Variants in ASIC2 observed in about 807,000 individuals in gnomAD.
ASIC2 encodes the protein acid-sensing ion channel 2.
Under a neutral mutation model 57.3 loss-of-function variants are expected in ASIC2, and 25 were observed. That is an observed-to-expected ratio of 0.44 (90% CI 0.32 to 0.61). The LOEUF is 0.61. ASIC2 is among the 20% of genes least tolerant of loss of function. The pLI, the probability that ASIC2 is intolerant of heterozygous loss-of-function variation, is 0.06. For synonymous variants in ASIC2, 319 were observed against 307.5 expected, an observed-to-expected ratio of 1.04 and a Z score of -0.39; for missense variants, 641 against 738.1, an observed-to-expected ratio of 0.87 and a Z score of 1.52.
intron 1 of ASIC2, among the ~76,000 whole-genome samples, chr17:34,030,046 C>A (rs1907531706): frequency 6.6e-6 from 1 of 152,218 alleles, no homozygotes. Flanking sequence ...ACACAATTGG[C>A]TCTTCCCTTC....
intron 1 of ASIC2, among the ~76,000 whole-genome samples, chr17:33,173,651 G>A (rs190119974): frequency 6.6e-6 from 1 of 152,268 alleles, no homozygotes; most frequent in Non-Finnish European, 1.5e-5. Flanking sequence ...TAGAAGCACC[G>A]GCTTTGACCA....
chr17:34,088,354 C>A (rs147260424), intron 1 of ASIC2, among the ~76,000 whole-genome samples: 2,713 of 152,254 alleles, frequency 0.018, 78 homozygotes, highest in East Asian at 0.059. Context: ...TGCAGAACAG[C>A]GGTTTTTCGT....
At chr17:33,930,901 A>ATTTG (rs141993092) in intron 1 of ASIC2, among the ~76,000 whole-genome samples, 104 of 151,960 alleles carry the variant, frequency 6.8e-4, no homozygotes, top group African/African-American at 2.1e-3. Context: ...AGATTTATTT[A>ATTTG]TTTGTTTGTT....
At chr17:33,845,125 T>A (rs896437678) in intron 1 of ASIC2, among the ~76,000 whole-genome samples, 2 of 152,242 alleles carry the variant, frequency 1.3e-5, no homozygotes, top group African/African-American at 4.8e-5. Context: ...TAGAAAAAAA[T>A]TCCGGAGTTA....
chr17:33,228,822 C>T (rs1022971586), intron 1 of ASIC2, among the ~76,000 whole-genome samples: 1 of 152,218 alleles, frequency 6.6e-6, no homozygotes, highest in Non-Finnish European at 1.5e-5. Context: ...CACCCAGGCT[C>T]GTGCCTCCAT....
chr17:33,108,819 G>A (rs2092245534), intron 2 of ASIC2, among the ~76,000 whole-genome samples: 1 of 152,144 alleles, frequency 6.6e-6, no homozygotes, highest in South Asian at 2.1e-4. Context: ...GGGACAAGGA[G>A]TTCTGCCTGA....
chr17:33,578,284 A>G lies in ASIC2; in HGVS notation c.556-466217T>C, dbSNP rs114914519. ...GGTCATTAAAAGCAAATGACAGCAC[A>G]GTGAAACACTGTGGTTTAGAAGTTT... On this transcript the variant is annotated intron_variant, in intron 1 of 9. Coordinates refer to the ASIC2 transcript ENST00000359872. Among the ~76,000 whole-genome samples the G allele has an allele frequency of 6.6e-3, 1,003 of 152,314 alleles. 9 individuals carry two copies. Among genetic ancestry groups the G allele is most frequent in the African/African-American group, 0.023 (966 of 41,566 alleles).
chr17:33,618,863 C>T (rs1905688775), intron 1 of ASIC2, among the ~76,000 whole-genome samples: 1 of 152,210 alleles, frequency 6.6e-6, no homozygotes, highest in African/African-American at 2.4e-5. Context: ...CAGGCTCTCT[C>T]ATGAGCCTGG....
intron 1 of ASIC2, among the ~76,000 whole-genome samples, chr17:33,741,150 A>G (rs972139682): frequency 1.3e-5 from 2 of 152,136 alleles, no homozygotes. Flanking sequence ...GTGACTGCCC[A>G]GGGTCTTCAG....
chr17:33,996,726 A>C (rs1906173263), intron 1 of ASIC2, among the ~76,000 whole-genome samples: 1 of 152,174 alleles, frequency 6.6e-6, no homozygotes, highest in African/African-American at 2.4e-5. Context: ...TGTTTGTTTT[A>C]ATTTCAATAC....
At chr17:33,691,839 C>T (rs1335653950) in intron 1 of ASIC2, among the ~76,000 whole-genome samples, 1 of 151,860 alleles carries the variant, frequency 6.6e-6, no homozygotes, top group Non-Finnish European at 1.5e-5. Context: ...GTGTGTGTGT[C>T]TGTGTATACA....
At chr17:33,467,077 A>G (rs1597738966) in intron 1 of ASIC2, among the ~76,000 whole-genome samples, 1 of 152,112 alleles carries the variant, frequency 6.6e-6, no homozygotes, top group East Asian at 1.9e-4. Context: ...ATGGGAGAAA[A>G]TTTTTGCAAT....
At chr17:33,218,875 G>C (rs1307515198) in intron 1 of ASIC2, among the ~76,000 whole-genome samples, 1 of 152,038 alleles carries the variant, frequency 6.6e-6, no homozygotes, top group East Asian at 1.9e-4. Context: ...AGGGCGGGGG[G>C]GCTACTGTAT....
rs140359774 is a variant in ASIC2 at position 33,058,621 on chromosome 17, G to GCT, written c.988-30231_988-30230dup. Among the ~76,000 whole-genome samples the GCT allele has an allele frequency of 7.9e-3, 1,195 of 152,122 alleles. 18 individuals carry two copies. Among genetic ancestry groups the GCT allele is most frequent in the African/African-American group, 0.027 (1,124 of 41,500 alleles). On this transcript the variant is annotated intron_variant, in intron 3 of 9. Coordinates refer to ENST00000225823, the MANE Select transcript of ASIC2 (RefSeq NM_183377.2). Reference sequence around the variant, plus strand: ...TGGTTTTTCTTGTCTATGACTGTCAGCTGTCCAGTAACCATCTATCTTCCT... The same window carrying GCT: ...TGGTTTTTCTTGTCTATGACTGTCAGCTCTGTCCAGTAACCATCTATCTTCCT...
intron 3 of ASIC2, among the ~76,000 whole-genome samples, chr17:33,034,220 T>A (rs2091899021): frequency 6.6e-6 from 1 of 152,190 alleles, no homozygotes; most frequent in Non-Finnish European, 1.5e-5. Flanking sequence ...CTTGTCTGCA[T>A]CCTTCATTCT....
At chr17:33,241,795 C>T (rs1908515683) in intron 1 of ASIC2, among the ~76,000 whole-genome samples, 1 of 152,186 alleles carries the variant, frequency 6.6e-6, no homozygotes, top group Admixed American at 6.5e-5. Flanking sequence ...CCCTGTCCTC[C>T]TGGGCTTCAC....
chr17:33,502,391 A>C (rs1914126748), intron 1 of ASIC2, among the ~76,000 whole-genome samples: 1 of 152,132 alleles, frequency 6.6e-6, no homozygotes, highest in Admixed American at 6.6e-5. Context: ...ATGTGGAGCA[A>C]TTGGATGCTC....
At chr17:34,078,804 A>T (rs1909768688) in intron 1 of ASIC2, 1 of 152,272 alleles carries the variant, frequency 6.6e-6, no homozygotes, top group Non-Finnish European at 1.5e-5. Context: ...CCCAGGCTTG[A>T]AAGGCACTAT....
intron 1 of ASIC2, among the ~76,000 whole-genome samples, chr17:33,826,390 G>A (rs1364211128): frequency 6.6e-6 from 1 of 152,180 alleles, no homozygotes; most frequent in African/African-American, 2.4e-5. Flanking sequence ...CTTCCAGTCT[G>A]TTTCTAAAAT....
Sources: allele counts gnomAD v4.1 joint callset (sites outside exome capture counted in the v4.1 genomes callset), GRCh38; gene constraint gnomAD v4.1.1; transcripts MANE v1.5; gene names NCBI Gene and HGNC (gene_info 2026-07-23, HGNC 2026-07-21).